The following DDX54 variants were observed in gnomAD, a reference collection of about 807,000 sequenced individuals.
DDX54 encodes the protein DEAD-box helicase 54.
A neutral mutation model predicts 105.5 loss-of-function variants in DDX54; 67 were observed. That is an observed-to-expected ratio of 0.64 (90% CI 0.52 to 0.78). The LOEUF is 0.78. Ranked by LOEUF, DDX54 falls within the 30% of genes least tolerant of loss-of-function variation. The pLI, the probability that DDX54 is intolerant of heterozygous loss-of-function variation, is 0.00. For missense variants in DDX54, 1,206 were observed against 1,230.5 expected, an observed-to-expected ratio of 0.98 and a Z score of 0.30; for synonymous variants, 514 against 509.9, an observed-to-expected ratio of 1.01 and a Z score of -0.11.
intron 19 of DDX54, 113 bp from the exon 20 acceptor site, chr12:113,159,222 C>T: frequency 1.7e-6 from 2 of 1,203,550 alleles, no homozygotes; most frequent in South Asian, 3.0e-5. Flanking sequence ...GTGCTTATTG[C>T]TGTGGCCCAG....
At chr12:113,182,375 G>A (rs528306838) in intron 1 of DDX54, among the ~76,000 whole-genome samples, 28 of 152,120 alleles carry the variant, frequency 1.8e-4, no homozygotes, top group African/African-American at 5.5e-4. Context: ...TTGTAGAAAA[G>A]AAAAAGAAAT....
intron 7 of DDX54, among the ~76,000 whole-genome samples, chr12:113,176,025 C>T (rs1952398429): frequency 6.6e-6 from 1 of 151,900 alleles, no homozygotes; most frequent in Non-Finnish European, 1.5e-5. Context: ...CCACAACCCC[C>T]TCCCCAACTC....
At position 113,185,263 on chromosome 12, in the gene DDX54, G is replaced by A; in HGVS notation, c.174+15C>T. On this transcript the variant is annotated intron_variant, in intron 1 of 19. Coordinates refer to ENST00000306014, the MANE Select transcript of DDX54 (RefSeq NM_024072.4). ...GTCTCGGGCCCGAACATGCGTCCCA[G>A]CCCCACGCGCCTACCTTCCGGGCCC... 6.5e-7 allele frequency: 1 copy of A among 1,537,266 alleles called. No individual in the cohort carries two copies. Among genetic ancestry groups the A allele is most frequent in the Non-Finnish European group, 8.7e-7 (1 of 1,145,586 alleles).
chr12:113,180,074 A>C (rs1320656799), intron 2 of DDX54, 69 bp from the exon 3 acceptor site: 1 of 1,432,094 alleles, frequency 7.0e-7, no homozygotes, highest in African/African-American at 1.4e-5. Flanking sequence ...AGAACTTTAC[A>C]GGACAAATGA....
intron 1 of DDX54, among the ~76,000 whole-genome samples, chr12:113,182,973 T>G (rs1593010832): frequency 6.6e-6 from 1 of 151,206 alleles, no homozygotes; most frequent in Non-Finnish European, 1.5e-5. Context: ...TCCTCCCACC[T>G]CAGCCTCCCA....
At position 113,166,714 on chromosome 12, in the gene DDX54, A is replaced by AC. The variant is rs1166195960; in HGVS notation, c.1415-683_1415-682insG. On this transcript the variant is annotated intron_variant, in intron 12 of 19. Coordinates refer to ENST00000306014, the MANE Select transcript of DDX54 (RefSeq NM_024072.4). Reference sequence around the variant, plus strand: ...AAGACTTTGTCTCTCTTAAAAACAAAAAAACAAAAACAAAAAACAAACAAC... The same window carrying AC: ...AAGACTTTGTCTCTCTTAAAAACAAACAAAACAAAAACAAAAAACAAACAAC... Among the ~76,000 whole-genome samples the AC allele has an allele frequency of 2.0e-5, 3 of 152,258 alleles. No homozygotes were observed. In the East Asian group the frequency reaches 5.8e-4, roughly 29 times the overall value.
At chr12:113,173,040 C>T (rs985593846) in intron 10 of DDX54, among the ~76,000 whole-genome samples, 2 of 152,166 alleles carry the variant, frequency 1.3e-5, no homozygotes, top group Admixed American at 6.6e-5. Context: ...GCTAGCTGTT[C>T]TTTACAGATT....
At position 113,185,353 on chromosome 12, in the gene DDX54, G is replaced by A. The variant is rs1952517676; in HGVS notation, c.99C>T (p.Ala33=). ...KKGLRKRRGA[A]SQARGSDSED... ...CCGAGTCGCTGCCGCGGGCCTGGGA[G>A]GCCGCGCCTCGGCGCTTCCGGAGCC... Residue 33 remains alanine, a synonymous_variant, in exon 1 of 20, where the codon GCC becomes GCT. Coordinates refer to ENST00000306014, the MANE Select transcript of DDX54 (RefSeq NM_024072.4). The A allele has an allele frequency of 6.3e-7, 1 of 1,587,530 alleles. No individual in the cohort carries two copies. The highest frequency in any genetic ancestry group is 8.5e-7 in the Non-Finnish European group (1 of 1,169,890).
At position 113,165,641 on chromosome 12, in the gene DDX54, C is replaced by T. The variant is rs1455667046; in HGVS notation, c.1719+3G>A. The T allele has an allele frequency of 5.0e-6, 8 of 1,602,280 alleles. No homozygotes were observed. In the Admixed American group the frequency reaches 1.4e-4, roughly 27 times the overall value. On this transcript the variant is annotated splice_donor_region_variant and intron_variant, in intron 14 of 19. Transcript: ENST00000306014. ...AGCGTGGTCTCCACCCGGCCCCACT[C>T]ACCGCCCGGGAGCGGTAGTTCTTTA... is the stretch of plus-strand genomic sequence containing the variant.
At chr12:113,182,523 T>C (rs1314390750) in intron 1 of DDX54, among the ~76,000 whole-genome samples, 1 of 152,018 alleles carries the variant, frequency 6.6e-6, no homozygotes, top group Non-Finnish European at 1.5e-5. Flanking sequence ...GCGCCTGCAA[T>C]AGCTACTGAA....
At chr12:113,172,931 C>T (rs1048278279) in intron 10 of DDX54, among the ~76,000 whole-genome samples, 6 of 152,156 alleles carry the variant, frequency 3.9e-5, no homozygotes, top group South Asian at 2.1e-4. Context: ...CTCATCTGTA[C>T]GAATAACTGC....
intron 18 of DDX54, 78 bp downstream of exon 18, chr12:113,161,815 C>CCCCCCCCCCCCCT: frequency 1.9e-6 from 1 of 528,418 alleles, no homozygotes; most frequent in Non-Finnish European, 3.1e-6. Context: ...GCCCCCGCCC[C>CCCCCCCCCCCCCT]CAGGTTCCAC....
At chr12:113,168,063 C>CTG in intron 12 of DDX54, 1 of 418,538 alleles carries the variant, frequency 2.4e-6, no homozygotes, top group South Asian at 1.7e-5. Flanking sequence ...AGGCCTCCAC[C>CTG]TCCAGTGACT....
At chr12:113,159,181 C>A in intron 19 of DDX54, 72 bp from the exon 20 acceptor site, 1 of 1,457,404 alleles carries the variant, frequency 6.9e-7, no homozygotes, top group Admixed American at 2.0e-5. Flanking sequence ...CAGAAGCTTG[C>A]AGACTCCTCC....
intron 12 of DDX54, among the ~76,000 whole-genome samples, chr12:113,169,433 A>G (rs553188141): frequency 1.3e-5 from 2 of 152,222 alleles, no homozygotes; most frequent in Admixed American, 1.3e-4. Context: ...CCTGGCCAAC[A>G]TGGTGAAACC....
intron 17 of DDX54, among the ~76,000 whole-genome samples, chr12:113,162,297 A>C (rs530053120): frequency 6.6e-6 from 1 of 152,086 alleles, no homozygotes; most frequent in East Asian, 1.9e-4. Flanking sequence ...CCCTCCCCCT[A>C]CCCAGCTGTG....
chr12:113,158,964 G>T lies in DDX54; in HGVS notation c.2559C>A (p.Arg853=). The T allele has an allele frequency of 4.3e-6, 7 of 1,611,440 alleles. No homozygotes were observed. The highest frequency in any genetic ancestry group is 5.9e-6 in the Non-Finnish European group (7 of 1,179,088). The change falls in exon 20 of 20, where the codon CGC becomes CGA. Residue 853 remains arginine (R), a synonymous_variant. Coordinates refer to ENST00000306014, the MANE Select transcript of DDX54 (RefSeq NM_024072.4). The surrounding 1 kb of genome is among the most constrained non-coding windows in gnomAD (Gnocchi z 4.9). ...QRGGLKQLSA[R]NRRRVQELQQ... is the part of the protein sequence containing the mutation. Reference sequence around the variant, plus strand: ...GCAGCTCCTGGACGCGGCGGCGGTTGCGGGCAGAGAGCTGCTTGAGGCCAC... The same window carrying T: ...GCAGCTCCTGGACGCGGCGGCGGTTTCGGGCAGAGAGCTGCTTGAGGCCAC...
rs1952517054 is a variant in DDX54 at position 113,185,334 on chromosome 12, C to T, written c.118G>A (p.Asp40Asn). The change falls in exon 1 of 20, where the codon GAC (aspartate) becomes AAC (asparagine). Residue 40 changes from aspartate (D) to asparagine (N), a missense_variant. Physicochemically the swap from Asp to Asn is conservative, Grantham distance 23. Transcript: ENST00000306014. ...RGAASQARGS[D>N]SEDGEFEIQA... ...ATCTCAAACTCGCCGTCCTCCGAGT[C>T]GCTGCCGCGGGCCTGGGAGGCCGCG... The T allele has an allele frequency of 1.9e-6, 3 of 1,586,702 alleles. No individual in the cohort carries two copies. In the East Asian group the frequency reaches 7.0e-5, roughly 37 times the overall value.
chr12:113,183,234 A>G (rs910150198), intron 1 of DDX54, among the ~76,000 whole-genome samples: 5 of 152,128 alleles, frequency 3.3e-5, no homozygotes, highest in African/African-American at 1.2e-4. Context: ...AGGTTAAGCA[A>G]CCTCTCCAAT....
Sources: allele counts gnomAD v4.1 joint callset (sites outside exome capture counted in the v4.1 genomes callset), GRCh38; gene constraint gnomAD v4.1.1; non-coding constraint Gnocchi (gnomAD v3.1); transcripts MANE v1.5; gene names NCBI Gene and HGNC (gene_info 2026-07-23, HGNC 2026-07-21).